The following ZNF423 variants were observed in gnomAD, a reference collection of about 807,000 sequenced individuals.
ZNF423 encodes zinc finger protein 423, also known as Ebf-associated zinc finger protein.
A neutral mutation model predicts 95.8 loss-of-function variants in ZNF423; 12 were observed. That is an observed-to-expected ratio of 0.13 (90% CI 0.08 to 0.20). The LOEUF is 0.20. Ranked by LOEUF, ZNF423 falls within the 10% of genes least tolerant of loss-of-function variation. The pLI is 1.00. For synonymous variants in ZNF423, 749 were observed against 711.9 expected, an observed-to-expected ratio of 1.05 and a Z score of -0.83; for missense variants, 1,316 against 1,737.1, an observed-to-expected ratio of 0.76 and a Z score of 4.31.
chr16:49,744,854 C>A (rs899060437), intron 2 of ZNF423, among the ~76,000 whole-genome samples: 8 of 152,210 alleles, frequency 5.3e-5, no homozygotes, highest in Non-Finnish European at 8.8e-5. Flanking sequence ...CCTCCTCAAA[C>A]CATCACTTAA....
At chr16:49,856,538 G>A (rs1457657518), upstream of ZNF423, among the ~76,000 whole-genome samples, 2 of 151,548 alleles carry the variant, frequency 1.3e-5, no homozygotes, top group African/African-American at 2.4e-5. Context: ...ATGATGGATG[G>A]GGGGCGGGGG....
At chr16:49,589,721 C>T (rs1970948439) in intron 5 of ZNF423, among the ~76,000 whole-genome samples, 1 of 152,138 alleles carries the variant, frequency 6.6e-6, no homozygotes, top group Admixed American at 6.5e-5. Context: ...CAGCACACAA[C>T]ATCGTCTCTG....
At chr16:49,658,328 C>CA (rs935870022) in intron 3 of ZNF423, among the ~76,000 whole-genome samples, 3 of 152,152 alleles carry the variant, frequency 2.0e-5, no homozygotes, top group African/African-American at 7.2e-5. Context: ...CTGGGCGCTG[C>CA]AAGGAGCCCG....
Position 49,702,317 on chromosome 16 carries a change from A to T in ZNF423, c.301+28454T>A, listed in dbSNP as rs981313994. Among the ~76,000 whole-genome samples the T allele has an allele frequency of 7.2e-5, 11 of 152,330 alleles. No individual in the cohort carries two copies. In the South Asian group the frequency reaches 2.3e-3, roughly 32 times the overall value. ...ATTTCATAACAGGGGAGGCCAAGGC[A>T]GCCAGGGACGGGAGAAGTGTTCTCC... On this transcript the variant is annotated intron_variant, in intron 3 of 7. Coordinates refer to ENST00000563137, the MANE Select transcript of ZNF423 (RefSeq NM_001379286.1).
chr16:49,787,285 TA>T (rs538859631), intron 2 of ZNF423, among the ~76,000 whole-genome samples: 1 of 147,452 alleles, frequency 6.8e-6, no homozygotes, highest in Non-Finnish European at 1.5e-5. Flanking sequence ...CACAAACTAT[TA>T]AAAAAAAGAA....
chr16:49,717,612 T>C (rs1042272792), intron 3 of ZNF423, among the ~76,000 whole-genome samples: 2 of 152,258 alleles, frequency 1.3e-5, no homozygotes, highest in Non-Finnish European at 2.9e-5. Context: ...CTGGAGTCCC[T>C]GGATTCAGCT....
At chr16:49,805,474 A>C (rs2034647658) in intron 1 of ZNF423, among the ~76,000 whole-genome samples, 1 of 152,176 alleles carries the variant, frequency 6.6e-6, no homozygotes, top group Admixed American at 6.5e-5. Context: ...TGGAGCCCAG[A>C]TTTGAAGCTG....
intron 5 of ZNF423, among the ~76,000 whole-genome samples, chr16:49,527,885 GC>G: frequency 6.6e-6 from 1 of 152,240 alleles, no homozygotes; most frequent in Non-Finnish European, 1.5e-5. Context: ...CCTCCAGGCA[GC>G]CTGCCCTGAC....
At chr16:49,616,466 TAA>T (rs1168933101) in intron 5 of ZNF423, among the ~76,000 whole-genome samples, 2 of 152,076 alleles carry the variant, frequency 1.3e-5, no homozygotes, top group South Asian at 2.1e-4. Context: ...TTAAAATAAC[TAA>T]AAGAGTATAA....
intron 3 of ZNF423, among the ~76,000 whole-genome samples, chr16:49,645,584 T>C (rs532926670): frequency 6.6e-6 from 1 of 152,312 alleles, no homozygotes; most frequent in South Asian, 2.1e-4. Context: ...GAGCTGTCCA[T>C]TCTCTTTGAG....
At chr16:49,507,322 C>A (rs150734572) in intron 7 of ZNF423, among the ~76,000 whole-genome samples, 2 of 151,706 alleles carry the variant, frequency 1.3e-5, no homozygotes, top group Non-Finnish European at 2.9e-5. Flanking sequence ...TTGGTAGATA[C>A]GGGGTCTCAT....
intron 5 of ZNF423, among the ~76,000 whole-genome samples, chr16:49,542,907 G>A (rs1969303796): frequency 6.6e-6 from 1 of 152,150 alleles, no homozygotes; most frequent in Non-Finnish European, 1.5e-5. Flanking sequence ...CCCTTCCAAG[G>A]GTGCAGCGAG....
intron 7 of ZNF423, among the ~76,000 whole-genome samples, chr16:49,520,567 G>GT (rs1333804565): frequency 1.3e-5 from 2 of 152,286 alleles, no homozygotes; most frequent in Admixed American, 1.3e-4. Flanking sequence ...AGACCTCTCA[G>GT]CCCATAGTCC....
At chr16:49,548,805 G>C (rs1020741886) in intron 5 of ZNF423, among the ~76,000 whole-genome samples, 11 of 152,080 alleles carry the variant, frequency 7.2e-5, no homozygotes, top group Admixed American at 5.9e-4. Context: ...CACTCCTCTG[G>C]CATCCACACC....
At position 49,636,876 on chromosome 16, in the gene ZNF423, A is replaced by G. The variant is rs1972744007; in HGVS notation, c.2300T>C (p.Phe767Ser). The change falls in exon 4 of 8, where the codon TTC becomes TCC. Residue 767 changes from phenylalanine (F) to serine (S), a missense_variant. This residue lies in a region of ZNF423 where 620 missense variants were observed against 775.6 expected (regional missense o/e 0.80). Transcript: ENST00000563137. This position sits in a 1 kb window ranked among gnomAD's most constrained non-coding sequence, Gnocchi z 8.6. ...MYRCTACNWD[F>S]RKEADLQVHV... ...CACCTGCAGGTCAGCCTCCTTGCGG[A>G]AGTCCCAGTTGCAGGCCGTGCAGCG... 1.2e-6 allele frequency: 2 copies of G among 1,613,862 alleles called. No individual in the cohort carries two copies. Among genetic ancestry groups the G allele is most frequent in the African/African-American group, 2.7e-5 (2 of 74,916 alleles).
chr16:49,842,141 G>A (rs1371844420), intron 1 of ZNF423, among the ~76,000 whole-genome samples: 1 of 150,574 alleles, frequency 6.6e-6, no homozygotes, highest in Non-Finnish European at 1.5e-5. Context: ...GGGAGGCTGA[G>A]GCAGGAGAAT....
At chr16:49,842,168 GCAGAGGT>G (rs2035188647) in intron 1 of ZNF423, among the ~76,000 whole-genome samples, 1 of 148,720 alleles carries the variant, frequency 6.7e-6, no homozygotes, top group Admixed American at 6.7e-5. Context: ...AACCTGGGAG[GCAGAGGT>G]CACAGTGAAC....
chr16:49,545,871 C>T (rs550755048), intron 5 of ZNF423, among the ~76,000 whole-genome samples: 2 of 152,332 alleles, frequency 1.3e-5, no homozygotes, highest in East Asian at 3.9e-4. Context: ...CTCATAAAAT[C>T]TCTACGAGGA....
chr16:49,665,962 C>T (rs2030521172), intron 3 of ZNF423, among the ~76,000 whole-genome samples: 1 of 152,188 alleles, frequency 6.6e-6, no homozygotes, highest in South Asian at 2.1e-4. Flanking sequence ...TTAATCAGCT[C>T]CTAATGGCCT....
Sources: gnomAD v4.1 joint callset for allele counts (sites outside exome capture counted in the v4.1 genomes callset) on GRCh38, gnomAD v4.1.1 for gene constraint, gnomAD v4.1.1 regional missense constraint, Gnocchi (gnomAD v3.1) non-coding constraint, MANE v1.5 for transcripts, NCBI Gene and HGNC (gene_info 2026-07-23, HGNC 2026-07-21) for gene names.